PROM1: variants seen among roughly 807,000 people sequenced by gnomAD.
The protein encoded by PROM1 is prominin 1, also known as prominin-1.
PROM1 carries 105 observed loss-of-function variants against 116.9 expected under a neutral mutation model. The ratio of observed to expected loss-of-function variants is 0.90; its 90% CI spans 0.77 to 1.06. PROM1 has a LOEUF of 1.06. PROM1 is among the 50% of genes least tolerant of loss of function. The pLI, the probability that PROM1 is intolerant of heterozygous loss-of-function variation, is 0.00. For synonymous variants in PROM1, 393 were observed against 387.0 expected, an observed-to-expected ratio of 1.02 and a Z score of -0.18; for missense variants, 1,122 against 1,045.2, an observed-to-expected ratio of 1.07 and a Z score of -1.01.
At chr4:16,068,685 TC>T (rs1742100757) in intron 2 of PROM1, among the ~76,000 whole-genome samples, 1 of 152,206 alleles carries the variant, frequency 6.6e-6, no homozygotes, top group African/African-American at 2.4e-5. Context: ...CCAATTGAGA[TC>T]TTTCAACTAA....
At chr4:15,983,298 A>G (rs1718430722) in intron 23 of PROM1, among the ~76,000 whole-genome samples, 1 of 152,212 alleles carries the variant, frequency 6.6e-6, no homozygotes. Context: ...TGATGTTCCA[A>G]CAGCGTGAAG....
intron 6 of PROM1, 103 bp downstream of exon 6, chr4:16,025,089 C>T: frequency 7.3e-7 from 1 of 1,362,556 alleles, no homozygotes; most frequent in Non-Finnish European, 1.0e-6. Flanking sequence ...TACGCTGATT[C>T]ACTGTGTTTC....
chr4:16,013,469 G>T, intron 10 of PROM1, 131 bp from the exon 11 acceptor site: 1 of 654,274 alleles, frequency 1.5e-6, no homozygotes, highest in Non-Finnish European at 2.7e-6. Flanking sequence ...AGGGTGAAAT[G>T]ATCATTATAT....
At chr4:16,000,778 G>T (rs1723594486) in intron 13 of PROM1, among the ~76,000 whole-genome samples, 159 bp from the exon 14 acceptor site, 1 of 152,112 alleles carries the variant, frequency 6.6e-6, no homozygotes, top group South Asian at 2.1e-4. Context: ...AGGGCTTGGG[G>T]ACCTGGAGAG....
intron 26 of PROM1, chr4:15,976,078 T>C (rs1342045813): frequency 4.6e-6 from 2 of 430,718 alleles, no homozygotes; most frequent in African/African-American, 4.0e-5. Flanking sequence ...TGCTAGGCCC[T>C]TAACAAAGAC....
At chr4:16,038,264 G>A (rs1431034426) in intron 3 of PROM1, among the ~76,000 whole-genome samples, 1 of 152,072 alleles carries the variant, frequency 6.6e-6, no homozygotes, top group East Asian at 1.9e-4. Flanking sequence ...TTTAACAAAC[G>A]ATGTTTTATA....
intron 20 of PROM1, 101 bp from the exon 21 acceptor site, chr4:15,986,138 C>T (rs1240680580): frequency 2.5e-6 from 2 of 812,542 alleles, no homozygotes; most frequent in Admixed American, 2.4e-5. Flanking sequence ...CTCTGCAACA[C>T]CACGACCTGG....
At chr4:15,972,733 C>A (rs1296062386) in intron 26 of PROM1, among the ~76,000 whole-genome samples, 1 of 152,142 alleles carries the variant, frequency 6.6e-6, no homozygotes, top group Non-Finnish European at 1.5e-5. Context: ...ATGATAACTT[C>A]CTGGGTGCCC....
At chr4:16,027,720 T>C in intron 5 of PROM1, among the ~76,000 whole-genome samples, 1 of 152,060 alleles carries the variant, frequency 6.6e-6, no homozygotes, top group Non-Finnish European at 1.5e-5. Flanking sequence ...AACTACTTCT[T>C]TGTTAACTTT....
At chr4:16,023,238 T>A (rs1425723784) in intron 8 of PROM1, 88 bp downstream of exon 8, 1 of 1,214,126 alleles carries the variant, frequency 8.2e-7, no homozygotes, top group Admixed American at 2.0e-5. Flanking sequence ...AAGCCAGCTC[T>A]CAGGGAACAA....
At chr4:16,074,176 A>G (rs532910262) in intron 2 of PROM1, among the ~76,000 whole-genome samples, 1 of 152,338 alleles carries the variant, frequency 6.6e-6, no homozygotes, top group East Asian at 1.9e-4. Context: ...ACTATAGTCA[A>G]TAATAATGTA....
At chr4:16,067,008 G>A (rs1741697528) in intron 2 of PROM1, among the ~76,000 whole-genome samples, 1 of 152,168 alleles carries the variant, frequency 6.6e-6, no homozygotes, top group African/African-American at 2.4e-5. Context: ...TTTCAGTTTG[G>A]TTACAGAAGA....
Position 16,018,559 on chromosome 4 carries a change from C to A in PROM1, c.785-19G>T, listed in dbSNP as rs1729018682. Reference sequence around the variant, plus strand: ...TTGATCGCTATGGAAACACAGCCCGCTTCAGAACACACATGCCAAGTCCCT... The same window carrying A: ...TTGATCGCTATGGAAACACAGCCCGATTCAGAACACACATGCCAAGTCCCT... On this transcript the variant is annotated intron_variant, in intron 8 of 27. Coordinates refer to ENST00000447510, the MANE Select transcript of PROM1 (RefSeq NM_006017.3). 6.3e-7 allele frequency: 1 copy of A among 1,582,428 alleles called. No individual in the cohort carries two copies. Among genetic ancestry groups the A allele is most frequent in the Non-Finnish European group, 8.6e-7 (1 of 1,162,312 alleles).
At chr4:16,064,093 C>G (rs1234394543) in intron 2 of PROM1, among the ~76,000 whole-genome samples, 1 of 152,130 alleles carries the variant, frequency 6.6e-6, no homozygotes, top group Non-Finnish European at 1.5e-5. Flanking sequence ...AAAATGCATA[C>G]CCCATCGTGC....
intron 2 of PROM1, among the ~76,000 whole-genome samples, chr4:16,045,008 C>T (rs990197752): frequency 2.0e-5 from 3 of 152,252 alleles, no homozygotes; most frequent in Non-Finnish European, 2.9e-5. Context: ...ATATAATATA[C>T]GGAGCACTAC....
intron 2 of PROM1, among the ~76,000 whole-genome samples, chr4:16,048,928 G>A (rs570005267): frequency 2.0e-5 from 3 of 152,156 alleles, no homozygotes; most frequent in Admixed American, 6.5e-5. Context: ...TAGAGGAAGC[G>A]AGTACTCAGG....
chr4:16,024,431 A>T, intron 6 of PROM1, 73 bp from the exon 7 acceptor site: 1 of 1,297,824 alleles, frequency 7.7e-7, no homozygotes, highest in South Asian at 1.4e-5. Flanking sequence ...AAGAGATTTA[A>T]TATACAAAAG....
chr4:15,977,434 G>A (rs569669343), intron 26 of PROM1, among the ~76,000 whole-genome samples: 1 of 152,256 alleles, frequency 6.6e-6, no homozygotes, highest in Non-Finnish European at 1.5e-5. Context: ...CAAAAAGGAA[G>A]GCCAGGACAT....
intron 23 of PROM1, 100 bp from the exon 24 acceptor site, chr4:15,980,637 T>C: frequency 1.3e-6 from 1 of 773,488 alleles, no homozygotes; most frequent in Non-Finnish European, 2.1e-6. Context: ...TTTTGGAATT[T>C]TTAAAAATGA....
Sources: allele counts gnomAD v4.1 joint callset (sites outside exome capture counted in the v4.1 genomes callset), GRCh38; gene constraint gnomAD v4.1.1; transcripts MANE v1.5; gene names NCBI Gene and HGNC (gene_info 2026-07-23, HGNC 2026-07-21).